PIK3R6: variants seen among roughly 807,000 people sequenced by gnomAD.
PIK3R6 encodes phosphoinositide-3-kinase regulatory subunit 6, also known as phosphoinositide 3-kinase regulatory subunit 6.
Under a neutral mutation model 84.9 loss-of-function variants are expected in PIK3R6, and 91 were observed. That is an observed-to-expected ratio of 1.07 (90% CI 0.90 to 1.28). PIK3R6 has a LOEUF of 1.28. Among genes scored for constraint, PIK3R6 ranks in the 50% most tolerant of loss-of-function variants. The pLI, the probability that PIK3R6 is intolerant of heterozygous loss-of-function variation, is 0.00. For missense variants in PIK3R6, 996 were observed against 985.1 expected, an observed-to-expected ratio of 1.01 and a Z score of -0.15; for synonymous variants, 416 against 411.4, an observed-to-expected ratio of 1.01 and a Z score of -0.13.
chr17:8,856,292 A>G (rs1295901014), intron 1 of PIK3R6, among the ~76,000 whole-genome samples: 1 of 152,212 alleles, frequency 6.6e-6, no homozygotes, highest in African/African-American at 2.4e-5. Context: ...TCTTGCAAAC[A>G]ATGTTACTGT....
chr17:8,847,330 G>A (rs2088836276), intron 2 of PIK3R6, among the ~76,000 whole-genome samples: 1 of 152,158 alleles, frequency 6.6e-6, no homozygotes, highest in South Asian at 2.1e-4. Context: ...AGATTGTTTG[G>A]AAAACCTTTG....
At chr17:8,804,447 G>A (rs968884718) in intron 18 of PIK3R6, among the ~76,000 whole-genome samples, 3 of 152,198 alleles carry the variant, frequency 2.0e-5, no homozygotes, top group African/African-American at 4.8e-5. Flanking sequence ...ACCTGAACTC[G>A]AGTGTTGATT....
chr17:8,833,093 C>T (rs572987828), intron 8 of PIK3R6, 48 bp from the exon 9 acceptor site: 3 of 1,495,634 alleles, frequency 2.0e-6, no homozygotes, highest in African/African-American at 1.4e-5. Context: ...AGCGCCCACG[C>T]ACCCCAGCTC....
Position 8,821,942 on chromosome 17 carries a change from G to A in PIK3R6, c.1789-6C>T. 1.3e-6 allele frequency: 2 copies of A among 1,565,926 alleles called. No individual in the cohort carries two copies. Among genetic ancestry groups the A allele is most frequent in the Non-Finnish European group, 1.7e-6 (2 of 1,153,774 alleles). On this transcript the variant is annotated splice_polypyrimidine_tract_variant and splice_region_variant and intron_variant, in intron 16 of 19. Coordinates refer to ENST00000619866, the MANE Select transcript of PIK3R6 (RefSeq NM_001010855.4). ...GGCCGGTGGCTAAGCAAGGCCTGAG[G>A]AGGGGGATCGAGGAACAGGTGGAGG...
intron 5 of PIK3R6, among the ~76,000 whole-genome samples, chr17:8,837,556 T>C (rs1168308424): frequency 6.6e-6 from 1 of 152,046 alleles, no homozygotes; most frequent in Admixed American, 6.6e-5. Context: ...ATGTCTCCTG[T>C]TGCACTGCAC....
At chr17:8,854,238 T>C (rs2089064258) in intron 1 of PIK3R6, among the ~76,000 whole-genome samples, 2 of 152,152 alleles carry the variant, frequency 1.3e-5, no homozygotes, top group Admixed American at 1.3e-4. Flanking sequence ...AACCTCCGCC[T>C]CCTGGGTTCA....
chr17:8,843,448 T>G (rs2088738845), intron 2 of PIK3R6, among the ~76,000 whole-genome samples: 1 of 152,136 alleles, frequency 6.6e-6, no homozygotes, highest in African/African-American at 2.4e-5. Flanking sequence ...CTTCTGAGCT[T>G]GGGTCCCCTT....
intron 1 of PIK3R6, among the ~76,000 whole-genome samples, chr17:8,866,911 G>A (rs1221964356): frequency 1.3e-5 from 2 of 152,104 alleles, no homozygotes; most frequent in Non-Finnish European, 2.9e-5. Context: ...TCAGACTCTG[G>A]CACACATAGA....
In PIK3R6 at chr17:8,819,097, C is replaced by T; in HGVS notation, c.1981G>A (p.Gly661Arg). The change falls in exon 18 of 20, where the codon GGA (glycine) becomes AGA (arginine). Residue 661 changes from glycine (G) to arginine (R), a missense_variant. Physicochemically the swap from Gly to Arg is moderately radical, Grantham distance 125. Coordinates refer to ENST00000619866, the MANE Select transcript of PIK3R6 (RefSeq NM_001010855.4). ...TEVVKSSNLA[G>R]KSFSTVTNTF... is the part of the protein sequence containing the mutation. ...TCAGTACTTACAGAGAAGGACTTTC[C>T]CGCCAAGTTGGAGGACTTGACAACC... is the stretch of plus-strand genomic sequence containing the variant. 1 of 1,602,918 alleles carries T rather than the reference C, an allele frequency of 6.2e-7. No individual in the cohort carries two copies.
chr17:8,804,514 T>C (rs1597370625), intron 18 of PIK3R6, among the ~76,000 whole-genome samples: 1 of 152,126 alleles, frequency 6.6e-6, no homozygotes, highest in Non-Finnish European at 1.5e-5. Context: ...TATATGGAAT[T>C]TGGGGAGTAT....
chr17:8,860,682 A>G (rs543820734), intron 1 of PIK3R6, among the ~76,000 whole-genome samples: 6 of 152,280 alleles, frequency 3.9e-5, no homozygotes, highest in East Asian at 1.9e-4. Flanking sequence ...TGCTTAAAAT[A>G]AGTAACTGGA....
rs1384400715 is a variant in PIK3R6 at position 8,842,720 on chromosome 17, A to G, written c.14-3023T>C. Among the ~76,000 whole-genome samples the G allele has an allele frequency of 1.3e-5, 2 of 152,106 alleles. No individual in the cohort carries two copies. Among genetic ancestry groups the G allele is most frequent in the African/African-American group, 4.8e-5 (2 of 41,414 alleles). On this transcript the variant is annotated intron_variant, in intron 2 of 19. Transcript: ENST00000619866. The surrounding 1 kb of genome is among the most constrained non-coding windows in gnomAD (Gnocchi z 4.5). ...AGGGTTCCTCTTTGACTGGGCTATC[A>G]GGAAACTTACGGTCAAATTGGGGCC...
At chr17:8,863,360 G>A (rs991458814) in intron 1 of PIK3R6, among the ~76,000 whole-genome samples, 1 of 151,828 alleles carries the variant, frequency 6.6e-6, no homozygotes, top group Non-Finnish European at 1.5e-5. Context: ...CCTTTTCCTG[G>A]TGAAAACATT....
Position 8,819,181 on chromosome 17 carries a change from A to C in PIK3R6, c.1897T>G (p.Cys633Gly). ...SDTEVSGSSH[C>G]PLPAAPVTDH... is the part of the protein sequence containing the mutation. ...GTGACAGGAGCAGCAGGCAGGGGGC[A>C]ATGGCTAGACCCTGAAACTGAATGA... The change falls in exon 18 of 20, where the codon TGC becomes GGC. Residue 633 changes from cysteine to glycine, a missense_variant. Physicochemically the swap from Cys to Gly is radical, Grantham distance 159. Coordinates refer to ENST00000619866, the MANE Select transcript of PIK3R6 (RefSeq NM_001010855.4). The C allele has an allele frequency of 1.2e-6, 2 of 1,608,534 alleles. No individual in the cohort carries two copies. The highest frequency in any genetic ancestry group is 1.7e-6 in the Non-Finnish European group (2 of 1,177,082).
At chr17:8,860,003 C>A (rs1020232031) in intron 1 of PIK3R6, among the ~76,000 whole-genome samples, 4 of 152,186 alleles carry the variant, frequency 2.6e-5, no homozygotes, top group African/African-American at 7.2e-5. Context: ...AGAAGACTAA[C>A]CATTTCGCAG....
rs1567583757 is a variant in PIK3R6 at position 8,827,766 on chromosome 17, GAGAGAGAGAGAGA to G, written c.1392+333_1392+345del. 2.3e-4 allele frequency among the ~76,000 whole-genome samples: 13 copies of G among 56,422 alleles called. No homozygotes were observed. In the South Asian group the frequency reaches 4.9e-3, roughly 21 times the overall value. 37.0% of individuals were successfully genotyped at this position (56,422 alleles called of 152,430 possible). ...GGGAGAGAGAGAGAGAGAGAGAGGA[GAGAGAGAGAGAGA>G]GAGAGAGAGAGAGAGAGAGAGAGAG... On this transcript the variant is annotated intron_variant, in intron 12 of 19. Coordinates refer to ENST00000619866, the MANE Select transcript of PIK3R6 (RefSeq NM_001010855.4).
At chr17:8,849,220 C>A (rs1381172346) in intron 2 of PIK3R6, among the ~76,000 whole-genome samples, 1 of 152,212 alleles carries the variant, frequency 6.6e-6, no homozygotes, top group Non-Finnish European at 1.5e-5. Flanking sequence ...TCGTGCTAGC[C>A]CCACCTCACA....
At position 8,844,075 on chromosome 17, in the gene PIK3R6, A is replaced by G. The variant is rs1008032953; in HGVS notation, c.14-4378T>C. 6.6e-6 allele frequency among the ~76,000 whole-genome samples: 1 copy of G among 152,224 alleles called. No individual in the cohort carries two copies. The highest frequency in any genetic ancestry group is 2.4e-5 in the African/African-American group (1 of 41,458). ...AATGAGGAAAATCAGACCGGCTGGG[A>G]CAAAGCTTACCAGTGGCGGCAAAGG... On this transcript the variant is annotated intron_variant, in intron 2 of 19. Transcript: ENST00000619866. This position sits in a 1 kb window ranked among gnomAD's most constrained non-coding sequence, Gnocchi z 4.5.
chr17:8,838,789 G>T, intron 3 of PIK3R6, 134 bp from the exon 4 acceptor site: 3 of 782,598 alleles, frequency 3.8e-6, no homozygotes, highest in Non-Finnish European at 6.0e-6. Context: ...CGCCACCAGC[G>T]CTTGGCTCCA....
Sources: gnomAD v4.1 joint callset for allele counts (sites outside exome capture counted in the v4.1 genomes callset) on GRCh38, gnomAD v4.1.1 for gene constraint, Gnocchi (gnomAD v3.1) non-coding constraint, MANE v1.5 for transcripts, NCBI Gene and HGNC (gene_info 2026-07-23, HGNC 2026-07-21) for gene names.